The following DLG2 variants were observed in gnomAD, a reference collection of about 807,000 sequenced individuals.
DLG2 encodes discs large MAGUK scaffold protein 2, also known as disks large homolog 2.
Under a neutral mutation model 132.5 loss-of-function variants are expected in DLG2, and 45 were observed. That is an observed-to-expected ratio of 0.34 (90% confidence interval 0.27 to 0.44). DLG2 has a LOEUF of 0.44. DLG2 is among the 20% of genes least tolerant of loss of function. The pLI, the probability that DLG2 is intolerant of heterozygous loss-of-function variation, is 1.00. For synonymous variants in DLG2, 424 were observed against 419.6 expected, an observed-to-expected ratio of 1.01 and a Z score of -0.13; for missense variants, 1,045 against 1,196.9, an observed-to-expected ratio of 0.87 and a Z score of 1.87.
chr11:84,684,037 T>A (rs1036021415), intron 6 of DLG2, among the ~76,000 whole-genome samples: 1 of 152,150 alleles, frequency 6.6e-6, no homozygotes, highest in African/African-American at 2.4e-5. Flanking sequence ...CCTAAGCAAT[T>A]TGTTTCATGT....
chr11:84,108,568 C>T (rs1046418438), intron 9 of DLG2, among the ~76,000 whole-genome samples: 1 of 151,986 alleles, frequency 6.6e-6, no homozygotes, highest in South Asian at 2.1e-4. Flanking sequence ...GAGAGCTTGA[C>T]TTGTTCAAGA....
intron 18 of DLG2, among the ~76,000 whole-genome samples, chr11:83,706,349 G>T (rs1180264660): frequency 6.6e-6 from 1 of 152,140 alleles, no homozygotes; most frequent in African/African-American, 2.4e-5. Flanking sequence ...GCCTAGACAT[G>T]GTACTGGAGA....
chr11:84,310,494 G>A (rs550630063), intron 7 of DLG2, among the ~76,000 whole-genome samples: 1 of 152,252 alleles, frequency 6.6e-6, no homozygotes, highest in African/African-American at 2.4e-5. Flanking sequence ...TTCCCATTCT[G>A]TGTGCTTGGC....
chr11:83,515,181 A>G (rs1455103585), intron 21 of DLG2, among the ~76,000 whole-genome samples: 1 of 152,158 alleles, frequency 6.6e-6, no homozygotes, highest in Non-Finnish European at 1.5e-5. Flanking sequence ...TTGGTAAGCT[A>G]TTAATTATTG....
intron 7 of DLG2, among the ~76,000 whole-genome samples, chr11:84,391,342 C>T (rs2098792007): frequency 6.6e-6 from 1 of 152,058 alleles, no homozygotes; most frequent in South Asian, 2.1e-4. Flanking sequence ...TAAAGAATGT[C>T]TGAAAGGATA....
intron 18 of DLG2, among the ~76,000 whole-genome samples, chr11:83,730,482 C>T (rs775661205): frequency 1.3e-5 from 2 of 152,134 alleles, no homozygotes; most frequent in Non-Finnish European, 2.9e-5. Flanking sequence ...TGGGAAAACT[C>T]TCTGCCCTCC....
At chr11:83,669,852 A>G (rs1424911191) in intron 18 of DLG2, among the ~76,000 whole-genome samples, 1 of 152,260 alleles carries the variant, frequency 6.6e-6, no homozygotes, top group African/African-American at 2.4e-5. Flanking sequence ...TAAATGAAAG[A>G]GCAAACACTT....
In DLG2 at chr11:85,604,340, C is replaced by T. The variant is rs2080374200; in HGVS notation, c.-92-5552G>A. ...GAGTCAATTCTATTATGCTCTTCAA[C>T]TCTCTCTACTCAAATCCTTATTTCT... On this transcript the variant is annotated intron_variant, in intron 2 of 27. Coordinates refer to ENST00000376104, the MANE Select transcript of DLG2 (RefSeq NM_001142699.3). Among the ~76,000 whole-genome samples, 4 of 152,186 alleles carry T rather than the reference C, an allele frequency of 2.6e-5. No individual in the cohort carries two copies. The South Asian group carries it at 8.3e-4, about 31-fold the overall frequency.
At chr11:84,804,671 T>C (rs1333080796) in intron 6 of DLG2, among the ~76,000 whole-genome samples, 3 of 152,166 alleles carry the variant, frequency 2.0e-5, no homozygotes, top group Admixed American at 6.5e-5. Flanking sequence ...GCCTGTCTTC[T>C]TTAGCCAAAG....
At chr11:84,045,378 A>G (rs1360172152) in intron 11 of DLG2, among the ~76,000 whole-genome samples, 1 of 151,764 alleles carries the variant, frequency 6.6e-6, no homozygotes. Context: ...CAATAGGTCC[A>G]GATGCTAGGT....
chr11:84,785,205 A>G (rs925960890), intron 6 of DLG2, among the ~76,000 whole-genome samples: 4 of 152,136 alleles, frequency 2.6e-5, no homozygotes, highest in Middle Eastern at 3.4e-3. Flanking sequence ...TCCTCATTCT[A>G]TCACTCTCCT....
chr11:83,850,828 T>C (rs558565752), intron 16 of DLG2, among the ~76,000 whole-genome samples: 2 of 152,158 alleles, frequency 1.3e-5, no homozygotes. Flanking sequence ...GAGCTCTCTG[T>C]CCCTGAAAAG....
At chr11:83,750,374 A>C (rs1194607893) in intron 18 of DLG2, among the ~76,000 whole-genome samples, 1 of 152,210 alleles carries the variant, frequency 6.6e-6, no homozygotes, top group Admixed American at 6.5e-5. Flanking sequence ...ACTGAAATCC[A>C]ATATAGTTAA....
intron 7 of DLG2, among the ~76,000 whole-genome samples, chr11:84,307,111 A>G (rs2098227928): frequency 6.6e-6 from 1 of 152,216 alleles, no homozygotes; most frequent in Admixed American, 6.5e-5. Context: ...GTGTCCACCA[A>G]CGGTAGAATG....
At chr11:83,782,430 C>T (rs535716804) in intron 18 of DLG2, among the ~76,000 whole-genome samples, 40 of 152,210 alleles carry the variant, frequency 2.6e-4, no homozygotes, top group Admixed American at 1.8e-3. Context: ...GGAGCTCACT[C>T]GAGTGGAGAG....
chr11:85,188,434 T>C lies in DLG2; in HGVS notation c.187-33783A>G, dbSNP rs1341609151. On this transcript the variant is annotated intron_variant, in intron 4 of 27. Transcript: ENST00000376104. ...AATCTAGATTTGCTATAATCTGGTATCTAAAATGTCTAGTTTTTTTAAAAA... is the reference window on the plus strand; with the variant it reads ...AATCTAGATTTGCTATAATCTGGTACCTAAAATGTCTAGTTTTTTTAAAAA... 3.3e-5 allele frequency among the ~76,000 whole-genome samples: 5 copies of C among 152,150 alleles called. No homozygotes were observed. The South Asian group carries it at 6.2e-4, about 19-fold the overall frequency.
intron 4 of DLG2, among the ~76,000 whole-genome samples, chr11:85,158,501 A>G (rs2077762048): frequency 6.6e-6 from 1 of 152,184 alleles, no homozygotes; most frequent in Non-Finnish European, 1.5e-5. Flanking sequence ...TGGGAGGTCC[A>G]GACGATACAT....
chr11:83,469,710 C>T (rs1336286022), intron 24 of DLG2, among the ~76,000 whole-genome samples: 2 of 152,102 alleles, frequency 1.3e-5, no homozygotes, highest in Admixed American at 1.3e-4. Flanking sequence ...TGCTAGAAGA[C>T]ACGGGAGTTG....
At chr11:83,857,612 C>A (rs999626162) in intron 16 of DLG2, among the ~76,000 whole-genome samples, 2 of 152,166 alleles carry the variant, frequency 1.3e-5, no homozygotes, top group Non-Finnish European at 2.9e-5. Flanking sequence ...AGATACATGT[C>A]ATTATACGAT....
Sources: gnomAD v4.1 joint callset for allele counts (sites outside exome capture counted in the v4.1 genomes callset) on GRCh38, gnomAD v4.1.1 for gene constraint, MANE v1.5 for transcripts, NCBI Gene and HGNC (gene_info 2026-07-23, HGNC 2026-07-21) for gene names.